The following PRKG1 variants were observed in gnomAD, a reference collection of about 807,000 sequenced individuals.
PRKG1 encodes the protein cGMP-dependent protein kinase 1.
Under a neutral mutation model 88.1 loss-of-function variants are expected in PRKG1, and 35 were observed. That is an observed-to-expected ratio of 0.40 (90% CI 0.30 to 0.53). The LOEUF (loss-of-function observed/expected upper bound fraction) is 0.53, where lower values mean the gene tolerates loss of function less well. PRKG1 is among the 20% of genes least tolerant of loss of function. The probability of loss-of-function intolerance (pLI) is 0.59; values close to 1 mark genes in which losing one functional copy is unlikely to be tolerated. For synonymous variants in PRKG1, 303 were observed against 292.5 expected, an observed-to-expected ratio of 1.04 and a Z score of -0.37; for missense variants, 540 against 839.8, an observed-to-expected ratio of 0.64 and a Z score of 4.41.
At chr10:51,460,202 C>T (rs1214187461) in intron 2 of PRKG1, among the ~76,000 whole-genome samples, 3 of 151,946 alleles carry the variant, frequency 2.0e-5, no homozygotes, top group Non-Finnish European at 4.4e-5. Flanking sequence ...GGTAAAATTG[C>T]CCCCAGTTGA....
At chr10:52,111,215 G>A (rs1847556100) in intron 7 of PRKG1, among the ~76,000 whole-genome samples, 1 of 152,216 alleles carries the variant, frequency 6.6e-6, no homozygotes, top group South Asian at 2.1e-4. Context: ...TGGAAAAAAA[G>A]TGGTAGGGAA....
intron 3 of PRKG1, among the ~76,000 whole-genome samples, chr10:51,737,430 G>A (rs1246317096): frequency 6.6e-6 from 1 of 152,198 alleles, no homozygotes; most frequent in Non-Finnish European, 1.5e-5. Flanking sequence ...CACTGATTTT[G>A]TTGTTGCCTG....
At chr10:51,426,228 C>A (rs1838579207) in intron 2 of PRKG1, among the ~76,000 whole-genome samples, 1 of 152,092 alleles carries the variant, frequency 6.6e-6, no homozygotes, top group Non-Finnish European at 1.5e-5. Context: ...TTGCAGGGAG[C>A]CGAGATCATG....
At chr10:52,230,104 C>T (rs1348433226) in intron 9 of PRKG1, among the ~76,000 whole-genome samples, 1 of 152,166 alleles carries the variant, frequency 6.6e-6, no homozygotes, top group Non-Finnish European at 1.5e-5. Context: ...CCAATTAGAA[C>T]ATTTCAAATG....
intron 4 of PRKG1, among the ~76,000 whole-genome samples, chr10:51,886,461 A>T (rs1028679638): frequency 1.3e-5 from 2 of 152,156 alleles, no homozygotes; most frequent in Non-Finnish European, 2.9e-5. Context: ...GGGCCAGCAA[A>T]TTCCCAGTAC....
At chr10:51,994,550 A>G (rs1844389561) in intron 5 of PRKG1, among the ~76,000 whole-genome samples, 1 of 152,242 alleles carries the variant, frequency 6.6e-6, no homozygotes, top group South Asian at 2.1e-4. Flanking sequence ...TCAATTCCCA[A>G]TCTCTGCTGG....
Position 52,251,704 on chromosome 10 carries a change from G to A in PRKG1, c.1173+38G>A. ...TCTTTAAATGCTTTTGATCGCCTCT[G>A]CTTCCTTTTTAATTTTTTCCCCTAG... is the stretch of plus-strand genomic sequence containing the variant. On this transcript the variant is annotated intron_variant, in intron 10 of 17. Transcript: ENST00000373980. 4.0e-6 allele frequency: 6 copies of A among 1,507,450 alleles called. No individual in the cohort carries two copies. The South Asian group carries it at 7.1e-5, about 18-fold the overall frequency. 93.4% of individuals were successfully genotyped at this position (1,507,450 alleles called of 1,614,324 possible).
In PRKG1 at chr10:52,121,055, C is replaced by T. The variant is rs764333215; in HGVS notation, c.936-12785C>T. Among the ~76,000 whole-genome samples the T allele has an allele frequency of 2.6e-5, 4 of 152,304 alleles. No individual in the cohort carries two copies. In the South Asian group the frequency reaches 8.3e-4, roughly 32 times the overall value. ...CCACTGCTTTTGCCCTCCAAAGTGG[C>T]AGACCAAGCAGCCCAAGCTGCACCT... On this transcript the variant is annotated intron_variant, in intron 7 of 17. Coordinates refer to ENST00000373980, the MANE Select transcript of PRKG1 (RefSeq NM_006258.4).
At chr10:51,242,085 G>T (rs1262195676) in intron 2 of PRKG1, among the ~76,000 whole-genome samples, 1 of 152,088 alleles carries the variant, frequency 6.6e-6, no homozygotes, top group Admixed American at 6.6e-5. Flanking sequence ...TAATAGCATG[G>T]ATTGTGATGA....
At chr10:51,182,096 A>C (rs1346590800) in intron 2 of PRKG1, among the ~76,000 whole-genome samples, 4 of 152,162 alleles carry the variant, frequency 2.6e-5, no homozygotes, top group African/African-American at 9.7e-5. Context: ...TAATTGGATA[A>C]ACAACCAAAA....
intron 3 of PRKG1, among the ~76,000 whole-genome samples, chr10:51,502,279 A>G (rs193070504): frequency 2.6e-5 from 4 of 152,144 alleles, no homozygotes; most frequent in African/African-American, 7.2e-5. Flanking sequence ...TTCCTGGGGC[A>G]CTCAGAATAA....
At chr10:51,277,477 A>C (rs1162111675) in intron 2 of PRKG1, among the ~76,000 whole-genome samples, 1 of 147,778 alleles carries the variant, frequency 6.8e-6, no homozygotes, top group Non-Finnish European at 1.5e-5. Flanking sequence ...ACTTTAAAGT[A>C]GTTTTTTCCA....
At chr10:51,880,491 A>G (rs1182246553) in intron 4 of PRKG1, among the ~76,000 whole-genome samples, 2 of 152,154 alleles carry the variant, frequency 1.3e-5, no homozygotes, top group African/African-American at 4.8e-5. Context: ...TTTTCCATTT[A>G]AGAGTTACTA....
chr10:51,180,179 C>T (rs937520956), intron 2 of PRKG1, among the ~76,000 whole-genome samples: 5 of 152,206 alleles, frequency 3.3e-5, no homozygotes, highest in Non-Finnish European at 7.3e-5. Flanking sequence ...TTCGACACCA[C>T]TCACGGACTG....
At chr10:51,187,278 G>A (rs1229560963) in intron 2 of PRKG1, among the ~76,000 whole-genome samples, 6 of 151,802 alleles carry the variant, frequency 4.0e-5, no homozygotes, top group Admixed American at 1.3e-4. Flanking sequence ...CCTGGAAAAT[G>A]TGTAAAAGGA....
intron 3 of PRKG1, among the ~76,000 whole-genome samples, chr10:51,491,786 T>C (rs1035613364): frequency 1.3e-5 from 2 of 152,136 alleles, no homozygotes; most frequent in African/African-American, 4.8e-5. Flanking sequence ...CAAATCATAC[T>C]CTCATGAAAT....
chr10:50,998,100 T>C (rs1842853608), intron 1 of PRKG1, among the ~76,000 whole-genome samples: 1 of 152,200 alleles, frequency 6.6e-6, no homozygotes, highest in African/African-American at 2.4e-5. Context: ...CATAGCCCAG[T>C]GCTTAGCCCG....
In PRKG1 at chr10:51,641,939, A is replaced by G. The variant is rs1839811162; in HGVS notation, c.593-162646A>G. Among the ~76,000 whole-genome samples the G allele has an allele frequency of 2.6e-5, 4 of 152,264 alleles. No individual in the cohort carries two copies. In the South Asian group the frequency reaches 8.3e-4, roughly 32 times the overall value. ...AAGCAGTTCTGTTTCCCTTGAAGAA[A>G]AGGCTTACTTTTTAAACTATGCAAA... On this transcript the variant is annotated intron_variant, in intron 3 of 17. Transcript: ENST00000373980.
chr10:52,165,607 G>A (rs1055155421), intron 9 of PRKG1, among the ~76,000 whole-genome samples: 2 of 152,046 alleles, frequency 1.3e-5, no homozygotes, highest in African/African-American at 4.8e-5. Flanking sequence ...TTGATGTTTT[G>A]CAAAACCTAC....
Sources: allele counts gnomAD v4.1 joint callset (sites outside exome capture counted in the v4.1 genomes callset), GRCh38; gene constraint gnomAD v4.1.1; transcripts MANE v1.5; gene names NCBI Gene and HGNC (gene_info 2026-07-23, HGNC 2026-07-21).